LIG1: variants seen among roughly 807,000 people sequenced by gnomAD.
LIG1 encodes ligase I, DNA, ATP-dependent.
Under a neutral mutation model 115.7 loss-of-function variants are expected in LIG1, and 70 were observed. The observed-to-expected ratio is 0.60, with a 90% CI of 0.50 to 0.74. The LOEUF (loss-of-function observed/expected upper bound fraction) is 0.74, where lower values mean the gene tolerates loss of function less well. LIG1 is among the 30% of genes least tolerant of loss of function. LIG1 has a pLI of 0.00. For missense variants in LIG1, 1,115 were observed against 1,225.6 expected (o/e 0.91, Z 1.35); for synonymous variants, 487 against 495.3 (o/e 0.98, Z 0.22).
intron 4 of LIG1, 80 bp from the exon 5 acceptor site, chr19:48,157,220 T>A (rs1599864101): frequency 5.1e-5 from 70 of 1,373,586 alleles, no homozygotes; most frequent in Non-Finnish European, 6.0e-5. Flanking sequence ...TAGAGGGGAC[T>A]GAAACCTCTC....
chr19:48,144,997 T>G (rs2122748566), intron 9 of LIG1, among the ~76,000 whole-genome samples: 1 of 152,172 alleles, frequency 6.6e-6, no homozygotes, highest in Non-Finnish European at 1.5e-5. Context: ...AGCCTCAACC[T>G]CCAGGGCTCA....
At position 48,143,948 on chromosome 19, in the gene LIG1, A is replaced by G. The variant is rs374200457; in HGVS notation, c.792T>C (p.Ser264=). 45 of 1,613,914 alleles carry G rather than the reference A, an allele frequency of 2.8e-5. No homozygotes were observed. The highest frequency in any genetic ancestry group is 3.6e-5 in the Non-Finnish European group (43 of 1,179,902). ...EGAAEGPLDP[S]GYNPAKNNYH... is the part of the protein sequence containing the mutation. The stretch of plus-strand genomic sequence containing the variant: ...AGTTGTTCTTGGCAGGATTGTAACC[A>G]GATGGATCCAGGGGTCTACGGAGGC... The change falls in exon 10 of 28, where the codon TCT becomes TCC. Residue 264 remains serine (S), a synonymous_variant. Coordinates refer to ENST00000263274, the MANE Select transcript of LIG1 (RefSeq NM_000234.3).
At chr19:48,147,959 G>T (rs2035226978) in intron 9 of LIG1, among the ~76,000 whole-genome samples, 1 of 152,216 alleles carries the variant, frequency 6.6e-6, no homozygotes, top group South Asian at 2.1e-4. Flanking sequence ...CCCTGGCTCT[G>T]TGGGAAGGAG....
chr19:48,133,911 G>T, intron 17 of LIG1, 70 bp downstream of exon 17: 1 of 1,328,572 alleles, frequency 7.5e-7, no homozygotes, highest in Non-Finnish European at 1.1e-6. Context: ...GCCTACGATG[G>T]CCACCCTCAC....
chr19:48,159,133 A>G (rs2036025111), intron 4 of LIG1, among the ~76,000 whole-genome samples: 1 of 150,260 alleles, frequency 6.7e-6, no homozygotes. Flanking sequence ...GCTGGAGTGC[A>G]ATGGCACGAT....
intron 11 of LIG1, 123 bp from the exon 12 acceptor site, chr19:48,140,266 G>C (rs970224460): frequency 8.6e-6 from 6 of 697,586 alleles, no homozygotes; most frequent in Non-Finnish European, 1.5e-5. Flanking sequence ...AAAGGGCTCA[G>C]AACAGTCCCA....
chr19:48,160,877 C>G (rs1030191502), intron 4 of LIG1, among the ~76,000 whole-genome samples: 2 of 152,062 alleles, frequency 1.3e-5, no homozygotes, highest in African/African-American at 4.8e-5. Context: ...GCACCACAGG[C>G]ATGCACCACC....
intron 19 of LIG1, among the ~76,000 whole-genome samples, chr19:48,130,422 C>G (rs1024766322): frequency 4.6e-5 from 7 of 152,248 alleles, no homozygotes; most frequent in Non-Finnish European, 7.3e-5. Flanking sequence ...CTACTGGGTG[C>G]AGAGAAGTCC....
At chr19:48,151,379 A>G (rs1478172399) in intron 6 of LIG1, 40 bp from the exon 7 acceptor site, 1 of 1,258,400 alleles carries the variant, frequency 7.9e-7, no homozygotes, top group East Asian at 2.3e-5. Context: ...AAAAAATCCC[A>G]TTGAACCTAC....
intron 1 of LIG1, among the ~76,000 whole-genome samples, chr19:48,166,279 C>A (rs186778911): frequency 7.5e-4 from 114 of 152,292 alleles, no homozygotes; most frequent in Admixed American, 2.0e-3. Context: ...CGCCTGTATT[C>A]CCAGCTACTC....
At position 48,127,949 on chromosome 19, in the gene LIG1, C is replaced by A. The variant is rs776170778; in HGVS notation, c.1893G>T (p.Gln631His). Reference protein sequence around the residue: ...EAVAWDREKKQIQPFQVLTTR... With the variant: ...EAVAWDREKKHIQPFQVLTTR... ...TGGTGAGCACTTGGAATGGCTGGAT[C>A]TGCTTCTTTTCCCGGTCCCAAGCCA... Residue 631 changes from glutamine to histidine, a missense_variant, in exon 20 of 28, where the codon CAG becomes CAT. Coordinates refer to ENST00000263274, the MANE Select transcript of LIG1 (RefSeq NM_000234.3). 7.4e-6 allele frequency: 12 copies of A among 1,614,062 alleles called. No individual in the cohort carries two copies. Among genetic ancestry groups the A allele is most frequent in the African/African-American group, 1.3e-5 (1 of 74,912 alleles).
rs561137392 is a variant in LIG1, at chr19:48,142,442, C to CAAAAAAAAAAAAAA, written c.914+1087_914+1100dup. ...TGGGCAACAGAGCAAGACTCCATCT[C>CAAAAAAAAAAAAAA]AAAAAAAAAAAAAAACAGAGTGCTG... On this transcript the variant is annotated intron_variant, in intron 11 of 27. Transcript: ENST00000263274. 1.2e-3 allele frequency among the ~76,000 whole-genome samples: 91 copies of CAAAAAAAAAAAAAA among 75,598 alleles called. 6 individuals carry two copies. Among genetic ancestry groups the CAAAAAAAAAAAAAA allele is most frequent in the African/African-American group, 2.4e-3 (49 of 20,374 alleles). 49.6% of individuals were successfully genotyped at this position (75,598 alleles called of 152,430 possible).
intron 18 of LIG1, among the ~76,000 whole-genome samples, chr19:48,132,449 A>G (rs907485875): frequency 1.3e-5 from 2 of 152,084 alleles, no homozygotes; most frequent in African/African-American, 2.4e-5. Context: ...ATCATCGGTC[A>G]GGACTCTGGA....
At chr19:48,135,267 A>G (rs889625937) in intron 16 of LIG1, among the ~76,000 whole-genome samples, 2 of 152,046 alleles carry the variant, frequency 1.3e-5, no homozygotes, top group Non-Finnish European at 2.9e-5. Flanking sequence ...TCAGTTTCCC[A>G]AGTAGCTGGG....
Position 48,161,506 on chromosome 19 carries a change from C to T in LIG1, c.109G>A (p.Ala37Thr), listed in dbSNP as rs767945879. 6.2e-6 allele frequency: 10 copies of T among 1,614,056 alleles called. No homozygotes were observed. In the Admixed American group the frequency reaches 1.5e-4, roughly 24 times the overall value. Residue 37 changes from alanine (A) to threonine (T), a missense_variant and splice_region_variant, in exon 4 of 28, where the codon GCG (alanine) becomes ACG (threonine). Coordinates refer to ENST00000263274, the MANE Select transcript of LIG1 (RefSeq NM_000234.3). The part of the protein sequence containing the change: ...SSRETEPPPK[A>T]ALKEWNGVVS... The stretch of plus-strand genomic sequence containing the variant: ...ACTCCATTCCACTCCTTCAGTGCCG[C>T]CCTGGAAGGTGGGGAAATGGGGGTG...
intron 4 of LIG1, 103 bp downstream of exon 4, chr19:48,161,269 G>T: frequency 6.6e-7 from 1 of 1,525,978 alleles, no homozygotes; most frequent in Non-Finnish European, 9.1e-7. Flanking sequence ...CCTCTCCCGG[G>T]CAATTTCTCC....
chr19:48,123,585 T>G (rs1038706025), intron 21 of LIG1: 2 of 543,392 alleles, frequency 3.7e-6, no homozygotes, highest in East Asian at 6.5e-5. Context: ...GGAGCTTGAA[T>G]TAACACTTTA....
rs566128796 is a variant in LIG1 at position 48,132,847 on chromosome 19, T to C, written c.1725+135A>G. 521 of 689,376 alleles carry C rather than the reference T, an allele frequency of 7.6e-4. 2 individuals are homozygous for C. The Admixed American group carries it at 9.4e-3, about 12-fold the overall frequency. The allele number at this position is 689,376 out of a possible 1,614,324, so 42.7% of individuals were successfully genotyped here. Reference sequence around the variant, plus strand: ...ACACTCACTGCATGGAGGTGGATGCTGAAGCCCAGAGAGATGAGCGAGGGC... The same window carrying C: ...ACACTCACTGCATGGAGGTGGATGCCGAAGCCCAGAGAGATGAGCGAGGGC... On this transcript the variant is annotated intron_variant, in intron 18 of 27. Coordinates refer to ENST00000263274, the MANE Select transcript of LIG1 (RefSeq NM_000234.3).
Position 48,160,203 on chromosome 19 carries a change from G to A in LIG1, c.243+1169C>T, listed in dbSNP as rs566300956. The stretch of plus-strand genomic sequence containing the variant: ...TAAACTGACACTGTTTTAAGCCACT[G>A]CGTTTGTGGTCAATTGTTATGGCAG... On this transcript the variant is annotated intron_variant, in intron 4 of 27. Transcript: ENST00000263274. Among the ~76,000 whole-genome samples the A allele has an allele frequency of 3.3e-5, 5 of 152,364 alleles. No individual in the cohort carries two copies. The East Asian group carries it at 9.6e-4, about 29-fold the overall frequency.
Sources: gnomAD v4.1 joint callset for allele counts (sites outside exome capture counted in the v4.1 genomes callset) on GRCh38, gnomAD v4.1.1 for gene constraint, MANE v1.5 for transcripts, NCBI Gene and HGNC (gene_info 2026-07-23, HGNC 2026-07-21) for gene names.